MARCHF3: variants seen among roughly 807,000 people sequenced by gnomAD.
The protein encoded by MARCHF3 is E3 ubiquitin-protein ligase MARCHF3.
Under a neutral mutation model 24.2 loss-of-function variants are expected in MARCHF3, and 13 were observed. The observed-to-expected ratio is 0.54, with a 90% CI of 0.35 to 0.85. The LOEUF is 0.85. Among genes scored for constraint, MARCHF3 ranks in the 40% least tolerant of loss-of-function variants. MARCHF3 has a pLI of 0.01. For missense variants in MARCHF3, 276 were observed against 325.0 expected, an observed-to-expected ratio of 0.85 and a Z score of 1.16; for synonymous variants, 144 against 137.3, an observed-to-expected ratio of 1.05 and a Z score of -0.34.
chr5:126,885,615 AAATG>A (rs1239134323), intron 3 of MARCHF3, among the ~76,000 whole-genome samples: 3 of 152,190 alleles, frequency 2.0e-5, no homozygotes, highest in Non-Finnish European at 2.9e-5. Context: ...GAAAAAAGGA[AAATG>A]AATGAATAAA....
At chr5:126,988,787 G>C (rs1355015725) in intron 1 of MARCHF3, among the ~76,000 whole-genome samples, 2 of 152,184 alleles carry the variant, frequency 1.3e-5, no homozygotes, top group South Asian at 4.2e-4. Flanking sequence ...TATTACATCA[G>C]TGAGCATCTA....
chr5:126,910,419 C>A (rs139794166), intron 3 of MARCHF3, among the ~76,000 whole-genome samples: 109 of 152,290 alleles, frequency 7.2e-4, no homozygotes, highest in African/African-American at 2.1e-3. Flanking sequence ...TTTAGGGGAA[C>A]AAGTCATGGT....
intron 3 of MARCHF3, among the ~76,000 whole-genome samples, chr5:126,896,224 A>G (rs2126779716): frequency 6.6e-6 from 1 of 152,246 alleles, no homozygotes; most frequent in East Asian, 1.9e-4. Flanking sequence ...CTCCCTAGTG[A>G]GATGAACCCG....
chr5:126,958,599 A>G (rs2126820862), intron 1 of MARCHF3, among the ~76,000 whole-genome samples: 1 of 152,278 alleles, frequency 6.6e-6, no homozygotes, highest in Non-Finnish European at 1.5e-5. Context: ...CTTTGAATCC[A>G]AAAAGGGTGT....
chr5:126,927,801 G>GT (rs142877150), intron 1 of MARCHF3, among the ~76,000 whole-genome samples: 3,543 of 151,056 alleles, frequency 0.023, 57 homozygotes, highest in Non-Finnish European at 0.027. Context: ...CTGTTTGTTT[G>GT]TTTTTTTTTG....
chr5:126,877,138 G>T (rs1753187358), intron 4 of MARCHF3, among the ~76,000 whole-genome samples: 1 of 152,198 alleles, frequency 6.6e-6, no homozygotes. Flanking sequence ...CACAGAGCTG[G>T]AAGAGCCATA....
chr5:126,934,932 T>C (rs1163844258), intron 1 of MARCHF3, among the ~76,000 whole-genome samples: 1 of 152,162 alleles, frequency 6.6e-6, no homozygotes, highest in Non-Finnish European at 1.5e-5. Flanking sequence ...CCCCCACCGA[T>C]TTGAAACTCA....
rs541929350 is a variant in MARCHF3 at position 126,884,402 on chromosome 5, C to A, written c.394-6008G>T. On this transcript the variant is annotated intron_variant, in intron 3 of 4. Coordinates refer to ENST00000308660, the MANE Select transcript of MARCHF3 (RefSeq NM_178450.5). The stretch of plus-strand genomic sequence containing the variant: ...TCAAACCAGACTTGTAACAAAGTAT[C>A]TCAAAGGAGAACTTTACAGAGTATT... 7.2e-5 allele frequency among the ~76,000 whole-genome samples: 11 copies of A among 152,288 alleles called. No homozygotes were observed. In the South Asian group the frequency reaches 2.3e-3, roughly 32 times the overall value.
chr5:127,009,392 C>T (rs1304442454), intron 1 of MARCHF3, among the ~76,000 whole-genome samples: 2 of 152,068 alleles, frequency 1.3e-5, no homozygotes, highest in Admixed American at 1.3e-4. Flanking sequence ...TTAGAGATTC[C>T]ACCCATATTC....
chr5:127,013,142 C>T (rs1752522164), intron 1 of MARCHF3, among the ~76,000 whole-genome samples: 1 of 152,294 alleles, frequency 6.6e-6, no homozygotes, highest in Admixed American at 6.5e-5. Context: ...ACATGTTCCA[C>T]TTTTCCTCTG....
chr5:126,902,147 C>T (rs80149319), intron 3 of MARCHF3, among the ~76,000 whole-genome samples: 3,107 of 152,152 alleles, frequency 0.02, 81 homozygotes, highest in South Asian at 0.11. Context: ...GAAAACCTGG[C>T]TGGATTTCCT....
rs1412364251 is a variant in MARCHF3, at chr5:126,951,136, C to T, written c.-56-32909G>A. ...ACAGTCCTCATCTTACTTGACCTCG[C>T]CACAGCATATGATCTCATTGTTTTC... On this transcript the variant is annotated intron_variant, in intron 1 of 4. Transcript: ENST00000308660. Among the ~76,000 whole-genome samples the T allele has an allele frequency of 2.6e-5, 4 of 152,308 alleles. No homozygotes were observed. The East Asian group carries it at 7.7e-4, about 29-fold the overall frequency.
chr5:126,895,235 C>T (rs1416330500), intron 3 of MARCHF3, among the ~76,000 whole-genome samples: 1 of 152,076 alleles, frequency 6.6e-6, no homozygotes, highest in Admixed American at 6.6e-5. Flanking sequence ...AAGTTTTCAA[C>T]TTCTTTGCCT....
intron 1 of MARCHF3, 136 bp from the exon 2 acceptor site, chr5:126,918,363 G>T: frequency 1.7e-6 from 1 of 601,758 alleles, no homozygotes; most frequent in South Asian, 2.1e-5. Flanking sequence ...ACATTATCTT[G>T]TTACTGTTTA....
chr5:126,870,904 A>G (rs1561770511), intron 4 of MARCHF3, 113 bp from the exon 5 acceptor site: 3 of 1,405,150 alleles, frequency 2.1e-6, no homozygotes, highest in East Asian at 4.9e-5. Context: ...TGGAAGCACT[A>G]TGGCAGGGCA....
At chr5:126,997,187 A>T (rs1270809207) in intron 1 of MARCHF3, among the ~76,000 whole-genome samples, 1 of 152,230 alleles carries the variant, frequency 6.6e-6, no homozygotes, top group African/African-American at 2.4e-5. Flanking sequence ...TAAATCATTT[A>T]ATTTAGTAAG....
At chr5:127,021,236 G>A (rs148628000) in intron 1 of MARCHF3, among the ~76,000 whole-genome samples, 2 of 152,222 alleles carry the variant, frequency 1.3e-5, no homozygotes, top group Non-Finnish European at 2.9e-5. Flanking sequence ...GAAAGGGATG[G>A]AGTAGGATTA....
intron 1 of MARCHF3, among the ~76,000 whole-genome samples, chr5:126,956,103 A>G (rs1432409418): frequency 6.6e-6 from 1 of 151,984 alleles, no homozygotes; most frequent in African/African-American, 2.4e-5. Context: ...CATTTTGGAG[A>G]TTGTTTTCGG....
intron 3 of MARCHF3, among the ~76,000 whole-genome samples, chr5:126,895,709 C>T (rs565561085): frequency 0.014 from 2,089 of 152,270 alleles, 69 homozygotes; most frequent in African/African-American, 0.048. Context: ...CCACTGCTCT[C>T]TTCAAAGCTG....
Sources: gnomAD v4.1 joint callset for allele counts (sites outside exome capture counted in the v4.1 genomes callset) on GRCh38, gnomAD v4.1.1 for gene constraint, MANE v1.5 for transcripts, NCBI Gene and HGNC (gene_info 2026-07-23, HGNC 2026-07-21) for gene names.